Variants in PPP1R21 observed in about 807,000 individuals in gnomAD.
PPP1R21 encodes protein phosphatase 1 regulatory subunit 21.
A neutral mutation model predicts 112.8 loss-of-function variants in PPP1R21; 85 were observed. The observed-to-expected ratio is 0.75, with a 90% CI of 0.63 to 0.90. The LOEUF (loss-of-function observed/expected upper bound fraction) is 0.90, where lower values mean the gene tolerates loss of function less well. PPP1R21 is among the 40% of genes least tolerant of loss of function. The pLI is 0.00. For synonymous variants in PPP1R21, 381 were observed against 322.3 expected (o/e 1.18, Z -1.95); for missense variants, 1,199 against 901.5 (o/e 1.33, Z -4.23).
intron 1 of PPP1R21, among the ~76,000 whole-genome samples, chr2:48,443,953 C>T (rs1242272775): frequency 6.6e-6 from 1 of 152,128 alleles, no homozygotes; most frequent in East Asian, 1.9e-4. Context: ...AGGACATTGG[C>T]AGAGTCTTCT....
intron 11 of PPP1R21, among the ~76,000 whole-genome samples, chr2:48,472,269 TCAAAG>T (rs1668550366): frequency 1.6e-5 from 1 of 62,904 alleles, no homozygotes; most frequent in African/African-American, 6.3e-5. Context: ...AAAAAAAAAA[TCAAAG>T]AACAATACAA....
intron 17 of PPP1R21, among the ~76,000 whole-genome samples, chr2:48,502,620 A>G (rs1172668187): frequency 6.7e-6 from 1 of 149,622 alleles, no homozygotes; most frequent in East Asian, 2.0e-4. Context: ...CTACAGGGAG[A>G]TTACTTTGGT....
chr2:48,494,453 G>A (rs1407576992), intron 15 of PPP1R21, among the ~76,000 whole-genome samples: 1 of 151,274 alleles, frequency 6.6e-6, no homozygotes, highest in Non-Finnish European at 1.5e-5. Flanking sequence ...TTGAATCAGA[G>A]TCTTGCTCTG....
At chr2:48,477,783 G>T (rs542245053) in intron 12 of PPP1R21, among the ~76,000 whole-genome samples, 8 of 151,828 alleles carry the variant, frequency 5.3e-5, no homozygotes, top group Non-Finnish European at 1.2e-4. Flanking sequence ...ATTCTGATAG[G>T]GATTGCATTG....
chr2:48,462,680 A>T (rs1668027726), intron 7 of PPP1R21, among the ~76,000 whole-genome samples: 1 of 152,190 alleles, frequency 6.6e-6, no homozygotes, highest in African/African-American at 2.4e-5. Flanking sequence ...ACTGGACCCT[A>T]GTGTTCTGGT....
At chr2:48,448,980 G>A (rs185017618) in intron 1 of PPP1R21, among the ~76,000 whole-genome samples, 1 of 151,138 alleles carries the variant, frequency 6.6e-6, no homozygotes, top group Non-Finnish European at 1.5e-5. Context: ...TTGGCCCTCA[G>A]ACCTTAGTTG....
At chr2:48,455,142 ATTT>A (rs767494556) in intron 3 of PPP1R21, among the ~76,000 whole-genome samples, 6 of 117,008 alleles carry the variant, frequency 5.1e-5, no homozygotes, top group African/African-American at 6.5e-5. Flanking sequence ...CCGGCCCTGA[ATTT>A]TTTTTTTTTT....
At position 48,465,246 on chromosome 2, in the gene PPP1R21, C is replaced by CT. The variant is rs1385378290; in HGVS notation, c.748-241dup. 3.3e-5 allele frequency among the ~76,000 whole-genome samples: 5 copies of CT among 152,222 alleles called. No individual in the cohort carries two copies. In the South Asian group the frequency reaches 6.2e-4, roughly 19 times the overall value. On this transcript the variant is annotated intron_variant, in intron 8 of 21. Transcript: ENST00000294952. ...AGATGCATTAATGTTTTGAGCCATA[C>CT]TTTTTTGTGGATTGGTAGACCTTAT...
chr2:48,462,454 C>T (rs1468000625), intron 7 of PPP1R21, among the ~76,000 whole-genome samples: 2 of 152,284 alleles, frequency 1.3e-5, no homozygotes, highest in East Asian at 3.9e-4. Flanking sequence ...GTGGGGAAGC[C>T]TTCCCAGAAA....
intron 17 of PPP1R21, among the ~76,000 whole-genome samples, chr2:48,503,432 T>G (rs113101436): frequency 6.6e-6 from 1 of 152,248 alleles, no homozygotes; most frequent in Non-Finnish European, 1.5e-5. Flanking sequence ...TTATAACTTA[T>G]GCTATTTTAA....
rs138246998 is a variant in PPP1R21, at chr2:48,498,625, A to G, written c.1825A>G (p.Ser609Gly). 5.0e-6 allele frequency: 8 copies of G among 1,614,148 alleles called. No homozygotes were observed. The African/African-American group carries it at 1.1e-4, about 22-fold the overall frequency. ...RIADKLKNTG[S>G]AQLVGLAQEN... ...TGCAGATAAGCTGAAGAATACAGGTAGTGCCCAGCTGGTTGGGCTGGCCCA... is the reference window on the plus strand; with the variant it reads ...TGCAGATAAGCTGAAGAATACAGGTGGTGCCCAGCTGGTTGGGCTGGCCCA... Residue 609 changes from serine to glycine, a missense_variant, in exon 17 of 22, where the codon AGT (serine) becomes GGT (glycine). Ser to Gly is a moderately conservative substitution (Grantham distance 56, BLOSUM62 0). Transcript: ENST00000294952.
intron 9 of PPP1R21, 90 bp from the exon 10 acceptor site, chr2:48,470,997 A>T: frequency 1.1e-6 from 1 of 873,074 alleles, no homozygotes; most frequent in Non-Finnish European, 1.9e-6. Flanking sequence ...TTTACAATTT[A>T]GGTTTATAAT....
At chr2:48,497,794 G>A (rs1226691657) in intron 16 of PPP1R21, among the ~76,000 whole-genome samples, 2 of 151,946 alleles carry the variant, frequency 1.3e-5, no homozygotes, top group Non-Finnish European at 2.9e-5. Flanking sequence ...TGGGACTACA[G>A]GCGCCCGCCG....
intron 14 of PPP1R21, 100 bp downstream of exon 14, chr2:48,486,858 T>C (rs1572874467): frequency 1.5e-6 from 2 of 1,315,850 alleles, no homozygotes; most frequent in East Asian, 4.7e-5. Flanking sequence ...TTTTGTAATA[T>C]AAGGGTTTAC....
intron 17 of PPP1R21, among the ~76,000 whole-genome samples, chr2:48,501,566 AT>A (rs1006725317): frequency 6.6e-6 from 1 of 152,242 alleles, no homozygotes; most frequent in African/African-American, 2.4e-5. Flanking sequence ...TTGATAAGTG[AT>A]GGGATGTCTC....
chr2:48,495,420 T>G (rs982278507), intron 15 of PPP1R21, among the ~76,000 whole-genome samples: 15 of 152,292 alleles, frequency 9.8e-5, no homozygotes, highest in Non-Finnish European at 2.1e-4. Flanking sequence ...GCCAGGCTGG[T>G]CTTGAATTCC....
At chr2:48,503,618 CAT>C (rs1156464217) in intron 17 of PPP1R21, among the ~76,000 whole-genome samples, 1 of 152,122 alleles carries the variant, frequency 6.6e-6, no homozygotes, top group African/African-American at 2.4e-5. Flanking sequence ...TTGTTAGTAT[CAT>C]ATGAGAAAAT....
intron 13 of PPP1R21, among the ~76,000 whole-genome samples, chr2:48,485,155 C>T (rs1669226095): frequency 6.6e-6 from 1 of 152,026 alleles, no homozygotes; most frequent in African/African-American, 2.4e-5. Flanking sequence ...AATTACCATT[C>T]GACCCAGCAA....
rs937519327 is a variant in PPP1R21 at position 48,486,699 on chromosome 2, A to G, written c.1387A>G (p.Ile463Val). ...ACTTCCAACAGCAACACAGAAGCTG[A>G]TAACAACTAATGACTGTATCCTGTC... is the stretch of plus-strand genomic sequence containing the variant. ...HELPTATQKL[I>V]TTNDCILSSV... Residue 463 changes from isoleucine (I) to valine (V), a missense_variant, in exon 14 of 22, where the codon ATA becomes GTA. Physicochemically the swap from Ile to Val is conservative, Grantham distance 29. Coordinates refer to ENST00000294952, the MANE Select transcript of PPP1R21 (RefSeq NM_001135629.3). 3.1e-6 allele frequency: 5 copies of G among 1,614,000 alleles called. No individual in the cohort carries two copies. The highest frequency in any genetic ancestry group is 4.2e-6 in the Non-Finnish European group (5 of 1,179,884).
Sources: allele counts gnomAD v4.1 joint callset (sites outside exome capture counted in the v4.1 genomes callset), GRCh38; gene constraint gnomAD v4.1.1; transcripts MANE v1.5; gene names NCBI Gene and HGNC (gene_info 2026-07-23, HGNC 2026-07-21).